FAM234A: variants seen among roughly 807,000 people sequenced by gnomAD.
FAM234A encodes protein FAM234A.
Under a neutral mutation model 49.1 loss-of-function variants are expected in FAM234A, and 42 were observed. That is an observed-to-expected ratio of 0.86 (90% CI 0.67 to 1.11). The LOEUF (loss-of-function observed/expected upper bound fraction) is 1.11. Among genes scored for constraint, FAM234A ranks in the 50% least tolerant of loss-of-function variants. The probability of loss-of-function intolerance (pLI) is 0.00; values close to 1 mark genes in which losing one functional copy is unlikely to be tolerated. For synonymous variants in FAM234A, 369 were observed against 316.2 expected (o/e 1.17, Z -1.77); for missense variants, 815 against 745.2 (o/e 1.09, Z -1.09).
intron 3 of FAM234A, among the ~76,000 whole-genome samples, chr16:256,666 G>A (rs972012705): frequency 1.3e-4 from 20 of 151,382 alleles, no homozygotes; most frequent in African/African-American, 4.9e-4. Flanking sequence ...TGCCTCCCAG[G>A]TTCAAGCGAT....
In FAM234A at chr16:260,147, C is replaced by A; in HGVS notation, c.564C>A (p.Val188=). 6.2e-7 allele frequency: 1 copy of A among 1,613,672 alleles called. No individual in the cohort carries two copies. The highest frequency in any genetic ancestry group is 1.7e-5 in the Admixed American group (1 of 60,026). ...LVGRPSSFIA[V]NLFTGETLWN... is the part of the protein sequence containing the mutation. The stretch of plus-strand genomic sequence containing the variant: ...GCAGACCCAGTTCTTTCATTGCAGT[C>A]AACTTGTTCACAGGTAGGCCAGCCA... The change falls in exon 5 of 13, where the codon GTC becomes GTA. Residue 188 remains valine (V), a synonymous_variant. Coordinates refer to ENST00000399932, the MANE Select transcript of FAM234A (RefSeq NM_032039.4).
chr16:266,731 C>T (rs541407836), downstream of FAM234A, among the ~76,000 whole-genome samples: 12 of 152,270 alleles, frequency 7.9e-5, no homozygotes, highest in African/African-American at 2.6e-4. Context: ...GTTCTCTTGT[C>T]CCTGAGAAAA....
chr16:240,650 G>A (rs1023718677), intron 1 of FAM234A, among the ~76,000 whole-genome samples: 3 of 151,932 alleles, frequency 2.0e-5, no homozygotes, highest in Admixed American at 6.6e-5. Flanking sequence ...CTACAGGCGC[G>A]TGCCACCACG....
chr16:262,368 G>C, intron 7 of FAM234A, 56 bp from the exon 8 acceptor site: 1 of 1,557,846 alleles, frequency 6.4e-7, no homozygotes, highest in Non-Finnish European at 8.7e-7. Context: ...GCGTGCCCCT[G>C]GTCCGGGTTC....
rs186633666 is a variant in FAM234A at position 258,150 on chromosome 16, G to A, written c.269-1333G>A. ...ATTACAGGCGTGAGCCACCTCACCC[G>A]GCCTATTTTTTTTTTTTTTTTTTAT... On this transcript the variant is annotated intron_variant, in intron 3 of 12. Transcript: ENST00000399932. Among the ~76,000 whole-genome samples the A allele has an allele frequency of 5.2e-3, 783 of 149,700 alleles. 7 individuals are homozygous for A. The highest frequency in any genetic ancestry group is 0.019 in the African/African-American group (759 of 40,228).
intron 9 of FAM234A, 52 bp from the exon 10 acceptor site, chr16:263,648 C>T: frequency 6.9e-7 from 1 of 1,455,024 alleles, no homozygotes; most frequent in South Asian, 1.1e-5. Context: ...CTTCCTTCAT[C>T]TCAGTCTCCT....
At chr16:246,858 C>T (rs796409502) in intron 1 of FAM234A, 6 of 152,058 alleles carry the variant, frequency 3.9e-5, no homozygotes, top group African/African-American at 1.5e-4. Context: ...TCACTGCAAC[C>T]TCTGCCTCCC....
At chr16:254,754 C>A in intron 3 of FAM234A, 73 bp downstream of exon 3, 2 of 1,473,286 alleles carry the variant, frequency 1.4e-6, no homozygotes, top group Non-Finnish European at 1.9e-6. Flanking sequence ...GGGGGCAGAA[C>A]TGTGTCTGCG....
intron 4 of FAM234A, 136 bp from the exon 5 acceptor site, chr16:259,833 G>A: frequency 2.4e-6 from 2 of 828,042 alleles, no homozygotes; most frequent in Non-Finnish European, 3.9e-6. Context: ...GCAAGATACA[G>A]GAGATCCACC....
intron 1 of FAM234A, among the ~76,000 whole-genome samples, chr16:247,332 G>A (rs2050847842): frequency 6.6e-6 from 1 of 150,532 alleles, no homozygotes; most frequent in Non-Finnish European, 1.5e-5. Context: ...CGGTCTCACC[G>A]TGTTGCCCAG....
intron 4 of FAM234A, 103 bp from the exon 5 acceptor site, chr16:259,866 G>T: frequency 9.5e-7 from 1 of 1,056,468 alleles, no homozygotes; most frequent in South Asian, 1.4e-5. Context: ...CTGTGGCCTA[G>T]GAGAGGTGTG....
intron 3 of FAM234A, among the ~76,000 whole-genome samples, chr16:257,178 C>T (rs1162716205): frequency 6.6e-6 from 1 of 151,300 alleles, no homozygotes; most frequent in Non-Finnish European, 1.5e-5. Flanking sequence ...CACGCCCAGC[C>T]TTTCCACTCT....
chr16:257,350 A>G (rs2051277486), intron 3 of FAM234A, among the ~76,000 whole-genome samples: 1 of 142,952 alleles, frequency 7.0e-6, no homozygotes, highest in Admixed American at 7.5e-5. Context: ...GGTTCAAGCG[A>G]TTCTCCTGCC....
downstream of FAM234A, chr16:269,121 C>T (rs1223894441): frequency 3.4e-6 from 3 of 892,214 alleles, no homozygotes; most frequent in South Asian, 1.4e-5. Context: ...AGGCTGTGCA[C>T]CCCACAGAAG....
chr16:244,054 C>T (rs1404333568), intron 1 of FAM234A, among the ~76,000 whole-genome samples: 10 of 151,938 alleles, frequency 6.6e-5, no homozygotes, highest in South Asian at 2.1e-4. Context: ...CTGCAACCTC[C>T]GCCTCCCAGG....
At chr16:269,383 G>A (rs774058245), downstream of FAM234A, 75 of 1,599,314 alleles carry the variant, frequency 4.7e-5, no homozygotes, top group East Asian at 1.4e-3. Flanking sequence ...ACGGGAACAC[G>A]CTGTGGGCGA....
chr16:263,669 C>A (rs745479971), intron 9 of FAM234A, 31 bp from the exon 10 acceptor site: 2 of 1,563,352 alleles, frequency 1.3e-6, no homozygotes, highest in Admixed American at 1.7e-5. Flanking sequence ...CACTGAGACC[C>A]CTCGTGAGCG....
intron 5 of FAM234A, chr16:260,902 A>G (rs1219731279): frequency 2.4e-5 from 8 of 327,154 alleles, no homozygotes; most frequent in Non-Finnish European, 4.3e-5. Context: ...GCACACCTCC[A>G]TTCTTGCCTT....
At chr16:266,909 G>T (rs1442872622), downstream of FAM234A, among the ~76,000 whole-genome samples, 2 of 152,048 alleles carry the variant, frequency 1.3e-5, no homozygotes, top group Non-Finnish European at 2.9e-5. Flanking sequence ...AGGGCAGGGG[G>T]TCCCCAAAGG....
Sources: gnomAD v4.1 joint callset for allele counts (sites outside exome capture counted in the v4.1 genomes callset) on GRCh38, gnomAD v4.1.1 for gene constraint, MANE v1.5 for transcripts, NCBI Gene and HGNC (gene_info 2026-07-23, HGNC 2026-07-21) for gene names.